LRRC4C: variants seen among roughly 807,000 people sequenced by gnomAD.
LRRC4C encodes leucine-rich repeat-containing protein 4C.
Under a neutral mutation model 33.6 loss-of-function variants are expected in LRRC4C, and 5 were observed. The ratio of observed to expected loss-of-function variants is 0.15; its 90% CI spans 0.08 to 0.31. LRRC4C has a LOEUF of 0.31. Among genes scored for constraint, LRRC4C ranks in the 10% least tolerant of loss-of-function variants. The pLI is 1.00. For synonymous variants in LRRC4C, 329 were observed against 302.0 expected (o/e 1.09, Z -0.93); for missense variants, 560 against 796.7 (o/e 0.70, Z 3.58).
rs1953256041 is a variant in LRRC4C, at chr11:41,383,973, C to A, written c.-496+75458G>T. Among the ~76,000 whole-genome samples the A allele has an allele frequency of 2.6e-5, 4 of 151,924 alleles. No individual in the cohort carries two copies. The South Asian group carries it at 8.3e-4, about 32-fold the overall frequency. On this transcript the variant is annotated intron_variant, in intron 1 of 6. Transcript: ENST00000528697. ...ATAGAAGTAGGTCAGGGTTTTGTGC[C>A]CTTTGACCCTAATTCTGCACTAAAA...
At chr11:41,051,509 G>T (rs1407237431) in intron 1 of LRRC4C, among the ~76,000 whole-genome samples, 6 of 60,228 alleles carry the variant, frequency 1.0e-4, no homozygotes, top group African/African-American at 3.6e-4. Context: ...GTCCCTCCCA[G>T]GGTCTCAAGG....
intron 3 of LRRC4C, among the ~76,000 whole-genome samples, chr11:40,324,777 T>C (rs1946016325): frequency 7.2e-5 from 11 of 152,196 alleles, no homozygotes. Flanking sequence ...GGTGATGTGA[T>C]AAGGACAAGG....
At chr11:40,310,506 C>G (rs1282216311) in intron 4 of LRRC4C, among the ~76,000 whole-genome samples, 1 of 152,136 alleles carries the variant, frequency 6.6e-6, no homozygotes, top group Non-Finnish European at 1.5e-5. Context: ...TCAGAACTCT[C>G]TATAATCGTG....
At chr11:41,453,044 T>C (rs1277901599) in intron 1 of LRRC4C, among the ~76,000 whole-genome samples, 1 of 152,106 alleles carries the variant, frequency 6.6e-6, no homozygotes, top group Non-Finnish European at 1.5e-5. Context: ...AGGTAAGATA[T>C]GGAAATACAG....
chr11:41,186,650 T>G (rs1384737830), intron 1 of LRRC4C, among the ~76,000 whole-genome samples: 1 of 152,134 alleles, frequency 6.6e-6, no homozygotes, highest in Non-Finnish European at 1.5e-5. Flanking sequence ...GAGAGTTAAT[T>G]TGAAACATAC....
intron 2 of LRRC4C, among the ~76,000 whole-genome samples, chr11:40,780,690 T>G (rs1329600568): frequency 6.6e-6 from 1 of 152,102 alleles, no homozygotes; most frequent in Admixed American, 6.6e-5. Flanking sequence ...AAAGTATCCT[T>G]TGAAACTGAA....
chr11:41,028,161 C>T (rs1446578329), intron 1 of LRRC4C, among the ~76,000 whole-genome samples: 5 of 151,184 alleles, frequency 3.3e-5, no homozygotes, highest in South Asian at 2.1e-4. Context: ...AAGGATCATC[C>T]ATTTTTTTTT....
chr11:40,253,319 TCTC>T (rs1489910836), intron 4 of LRRC4C, among the ~76,000 whole-genome samples: 2 of 152,192 alleles, frequency 1.3e-5, no homozygotes, highest in Non-Finnish European at 2.9e-5. Flanking sequence ...AAAACAATGA[TCTC>T]CTCTTGCTTG....
At chr11:40,545,232 A>G (rs187188991) in intron 3 of LRRC4C, among the ~76,000 whole-genome samples, 2 of 151,910 alleles carry the variant, frequency 1.3e-5, no homozygotes, top group African/African-American at 2.4e-5. Flanking sequence ...CCTTCCCCCA[A>G]CAAGACTACT....
At chr11:41,394,713 A>G (rs1004021609) in intron 1 of LRRC4C, 1 of 151,926 alleles carries the variant, frequency 6.6e-6, no homozygotes, top group African/African-American at 2.4e-5. Context: ...CTTTCTTATT[A>G]TATTACTACC....
At chr11:40,698,886 G>A (rs1424319115) in intron 2 of LRRC4C, among the ~76,000 whole-genome samples, 1 of 152,096 alleles carries the variant, frequency 6.6e-6, no homozygotes, top group Non-Finnish European at 1.5e-5. Context: ...AGAACAGCAT[G>A]GGGGAAACCG....
intron 1 of LRRC4C, among the ~76,000 whole-genome samples, chr11:41,029,820 T>C (rs999558811): frequency 4.0e-5 from 6 of 151,820 alleles, no homozygotes; most frequent in African/African-American, 1.4e-4. Flanking sequence ...AATATACGCT[T>C]GTTTAAATAA....
At chr11:40,620,340 G>A (rs1404746933) in intron 3 of LRRC4C, among the ~76,000 whole-genome samples, 1 of 151,672 alleles carries the variant, frequency 6.6e-6, no homozygotes, top group Non-Finnish European at 1.5e-5. Flanking sequence ...ACAGAACAAG[G>A]AGTCTTGGGC....
At chr11:41,011,178 T>G (rs945612445) in intron 1 of LRRC4C, among the ~76,000 whole-genome samples, 2 of 152,138 alleles carry the variant, frequency 1.3e-5, no homozygotes, top group Admixed American at 6.6e-5. Flanking sequence ...CAACAAATTT[T>G]TATTAATGTT....
chr11:41,053,085 A>G (rs1405867401), intron 1 of LRRC4C, among the ~76,000 whole-genome samples: 1 of 152,212 alleles, frequency 6.6e-6, no homozygotes, highest in East Asian at 1.9e-4. Context: ...TTTCATGGAC[A>G]CATGTGACAA....
chr11:41,186,605 A>G (rs1015229701), intron 1 of LRRC4C, among the ~76,000 whole-genome samples: 1 of 152,220 alleles, frequency 6.6e-6, no homozygotes, highest in Non-Finnish European at 1.5e-5. Flanking sequence ...TGTTTTGCAC[A>G]TCTCTCCTGA....
chr11:41,177,969 C>G (rs577321835), intron 1 of LRRC4C, among the ~76,000 whole-genome samples: 1 of 152,134 alleles, frequency 6.6e-6, no homozygotes, highest in Admixed American at 6.5e-5. Context: ...TACCTCAACT[C>G]GGAAAAAAGC....
At chr11:40,517,702 T>G (rs1442302823) in intron 3 of LRRC4C, among the ~76,000 whole-genome samples, 1 of 150,944 alleles carries the variant, frequency 6.6e-6, no homozygotes, top group African/African-American at 2.4e-5. Flanking sequence ...TTCAATGCTA[T>G]CCCCATCAAG....
intron 4 of LRRC4C, among the ~76,000 whole-genome samples, chr11:40,284,508 A>G (rs2136485310): frequency 6.6e-6 from 1 of 152,324 alleles, no homozygotes; most frequent in South Asian, 2.1e-4. Context: ...GAATATAAAG[A>G]GGATGTTCAG....
Sources: allele counts gnomAD v4.1 joint callset (sites outside exome capture counted in the v4.1 genomes callset), GRCh38; gene constraint gnomAD v4.1.1; transcripts MANE v1.5; gene names NCBI Gene and HGNC (gene_info 2026-07-23, HGNC 2026-07-21).